Variants in RAPGEF4 observed in about 807,000 individuals in gnomAD.
RAPGEF4 encodes the protein RAP guanine-nucleotide-exchange factor (GEF) 4.
In RAPGEF4, 66 loss-of-function variants were observed where a neutral mutation model predicts 147.9. The observed-to-expected ratio is 0.45, with a 90% CI of 0.37 to 0.55. The LOEUF (loss-of-function observed/expected upper bound fraction) is 0.55, where lower values mean the gene tolerates loss of function less well. RAPGEF4 is among the 20% of genes least tolerant of loss of function. The pLI, the probability that RAPGEF4 is intolerant of heterozygous loss-of-function variation, is 0.00. For missense variants in RAPGEF4, 1,071 were observed against 1,257.3 expected, an observed-to-expected ratio of 0.85 and a Z score of 2.24; for synonymous variants, 419 against 442.7, an observed-to-expected ratio of 0.95 and a Z score of 0.67.
At chr2:172,926,457 A>G (rs926448212) in intron 6 of RAPGEF4, among the ~76,000 whole-genome samples, 1 of 152,198 alleles carries the variant, frequency 6.6e-6, no homozygotes, top group Admixed American at 6.5e-5. Flanking sequence ...GGAGCTGGAG[A>G]AGTAGACTCA....
intron 29 of RAPGEF4, among the ~76,000 whole-genome samples, chr2:173,047,280 C>G (rs1448811889): frequency 6.6e-6 from 1 of 152,136 alleles, no homozygotes; most frequent in Non-Finnish European, 1.5e-5. Flanking sequence ...ATTTTCTTTT[C>G]TCTTTTCTTT....
chr2:172,875,407 C>A (rs989962196), intron 4 of RAPGEF4, among the ~76,000 whole-genome samples: 29 of 152,184 alleles, frequency 1.9e-4, no homozygotes, highest in African/African-American at 7.0e-4. Flanking sequence ...TTTAATCCAT[C>A]TTGAATTAAT....
chr2:172,892,380 T>C (rs1037655093), intron 4 of RAPGEF4, among the ~76,000 whole-genome samples: 22 of 152,366 alleles, frequency 1.4e-4, no homozygotes, highest in African/African-American at 5.3e-4. Context: ...ATATGTGCCC[T>C]GGCCAACCTT....
At position 173,036,191 on chromosome 2, in the gene RAPGEF4, T is replaced by A; in HGVS notation, c.2767T>A (p.Phe923Ile). 6.2e-7 allele frequency: 1 copy of A among 1,611,624 alleles called. No homozygotes were observed. Among genetic ancestry groups the A allele is most frequent in the South Asian group, 1.1e-5 (1 of 90,998 alleles). The part of the protein sequence containing the change: ...VAKLEPPLIP[F>I]MPLLIKDMTF... ...TAAGCTGGAACCTCCTCTCATCCCC[T>A]TCATGCCTTTGCTCATTAAAGGTAA... The change falls in exon 28 of 31, where the codon TTC becomes ATC. Residue 923 changes from phenylalanine to isoleucine, a missense_variant. Coordinates refer to ENST00000397081, the MANE Select transcript of RAPGEF4 (RefSeq NM_007023.4).
intron 29 of RAPGEF4, among the ~76,000 whole-genome samples, chr2:173,041,205 A>G (rs1684716335): frequency 6.6e-6 from 1 of 152,166 alleles, no homozygotes; most frequent in Non-Finnish European, 1.5e-5. Flanking sequence ...TCTATCACCA[A>G]TAATATTATT....
Position 173,030,219 on chromosome 2 carries a change from A to C in RAPGEF4, c.2614A>C (p.Asn872His). The C allele has an allele frequency of 6.2e-7, 1 of 1,613,792 alleles. No homozygotes were observed. The highest frequency in any genetic ancestry group is 8.5e-7 in the Non-Finnish European group (1 of 1,179,672). ...SFFAIVMGLS[N>H]VAVSRLALTW... ...TTTTGCCATCGTCATGGGACTAAGT[A>C]ACGTTGCTGTGAGCCGCTTGGCACT... is the stretch of plus-strand genomic sequence containing the variant. Residue 872 changes from asparagine (N) to histidine (H), a missense_variant, in exon 26 of 31, where the codon AAC becomes CAC. Transcript: ENST00000397081.
chr2:172,967,288 A>G lies in RAPGEF4; in HGVS notation c.848A>G (p.Lys283Arg). ...HVDQEHHFQDKYLFYRFLDDE... is the reference protein window; with the variant it reads ...HVDQEHHFQDRYLFYRFLDDE... The stretch of plus-strand genomic sequence containing the variant: ...GACCAGGAGCACCATTTCCAAGACA[A>G]ATATTTATTCTATCGATTTCTGGAT... The change falls in exon 10 of 31, where the codon AAA becomes AGA. Residue 283 changes from lysine (K) to arginine (R), a missense_variant. By Grantham distance (26) the Lys-to-Arg change is conservative. Coordinates refer to ENST00000397081, the MANE Select transcript of RAPGEF4 (RefSeq NM_007023.4). 6.2e-7 allele frequency: 1 copy of G among 1,612,346 alleles called. No homozygotes were observed.
At position 172,960,824 on chromosome 2, in the gene RAPGEF4, G is replaced by A; in HGVS notation, c.591+11G>A. 6.3e-7 allele frequency: 1 copy of A among 1,597,240 alleles called. No individual in the cohort carries two copies. On this transcript the variant is annotated intron_variant, in intron 7 of 30. Transcript: ENST00000397081. Reference sequence around the variant, plus strand: ...AACACCATTACCAAGGTAATGGGATGTAGGTGGGTTGATGAGCCATTGAGC... The same window carrying A: ...AACACCATTACCAAGGTAATGGGATATAGGTGGGTTGATGAGCCATTGAGC...
In RAPGEF4 at chr2:173,026,650, T is replaced by C. The variant is rs779713347; in HGVS notation, c.2332T>C (p.Tyr778His). The C allele has an allele frequency of 2.1e-5, 34 of 1,614,076 alleles. No individual in the cohort carries two copies. The East Asian group carries it at 2.7e-4, about 13-fold the overall frequency. ...FELMSSKDLA[Y>H]QMTIYDWELF... ...ACTGATGAGCTCCAAAGATTTAGCA[T>C]ACCAGATGACAATTTATGATTGGGA... is the stretch of plus-strand genomic sequence containing the variant. Residue 778 changes from tyrosine (Y) to histidine (H), a missense_variant, in exon 24 of 31, where the codon TAC becomes CAC. Tyr to His is a moderately conservative substitution (Grantham distance 83). Transcript: ENST00000397081.
At chr2:172,961,300 C>A in intron 8 of RAPGEF4, 72 bp downstream of exon 8, 2 of 1,261,606 alleles carry the variant, frequency 1.6e-6, no homozygotes, top group Non-Finnish European at 2.3e-6. Context: ...AAAAATGCTT[C>A]TCCCTGTTTT....
intron 4 of RAPGEF4, among the ~76,000 whole-genome samples, chr2:172,900,763 A>G (rs1227935435): frequency 6.6e-6 from 1 of 152,172 alleles, no homozygotes; most frequent in African/African-American, 2.4e-5. Context: ...ACATTTTCTT[A>G]TATAACCATA....
intron 4 of RAPGEF4, among the ~76,000 whole-genome samples, chr2:172,914,222 A>G (rs1291464014): frequency 6.6e-6 from 1 of 151,600 alleles, no homozygotes; most frequent in African/African-American, 2.4e-5. Flanking sequence ...TTACTATTAC[A>G]TACAAGCACA....
chr2:172,819,461 C>CCTTTTT (rs1688831786), intron 4 of RAPGEF4, among the ~76,000 whole-genome samples: 1 of 87,008 alleles, frequency 1.1e-5, no homozygotes, highest in African/African-American at 4.6e-5. Context: ...ATTTTTAGTT[C>CCTTTTT]TTTTTTTTTT....
intron 30 of RAPGEF4, 143 bp from the exon 31 acceptor site, chr2:173,051,497 C>A: frequency 2.7e-6 from 2 of 729,280 alleles, no homozygotes; most frequent in Non-Finnish European, 4.0e-6. Context: ...CAAGTGGAAA[C>A]GTTTCAATGA....
intron 1 of RAPGEF4, among the ~76,000 whole-genome samples, chr2:172,769,569 G>A (rs1342781376): frequency 6.6e-6 from 1 of 152,054 alleles, no homozygotes; most frequent in African/African-American, 2.4e-5. Flanking sequence ...GATAGGGGGA[G>A]TTCAGGGAAA....
At position 172,861,533 on chromosome 2, in the gene RAPGEF4, G is replaced by A. The variant is rs1448499615; in HGVS notation, c.444+47108G>A. The stretch of plus-strand genomic sequence containing the variant: ...ACCAGGAAGATGGTGTCCCTGGCGA[G>A]CCTAGGTGTTTGACTGATGAAATGT... On this transcript the variant is annotated intron_variant, in intron 4 of 30. Transcript: ENST00000397081. Among the ~76,000 whole-genome samples the A allele has an allele frequency of 2.0e-5, 3 of 152,198 alleles. No individual in the cohort carries two copies. In the East Asian group the frequency reaches 5.8e-4, roughly 29 times the overall value.
At chr2:172,919,897 C>T (rs1454095686) in intron 5 of RAPGEF4, among the ~76,000 whole-genome samples, 1 of 152,068 alleles carries the variant, frequency 6.6e-6, no homozygotes, top group Non-Finnish European at 1.5e-5. Flanking sequence ...CCCCTGCTTG[C>T]CCGGGCCCAG....
At chr2:172,866,364 T>C (rs938446747) in intron 4 of RAPGEF4, among the ~76,000 whole-genome samples, 2 of 152,222 alleles carry the variant, frequency 1.3e-5, no homozygotes, top group African/African-American at 4.8e-5. Flanking sequence ...CCTTAATTTT[T>C]CTATAGCATT....
At chr2:172,858,635 C>G (rs1693702804) in intron 4 of RAPGEF4, among the ~76,000 whole-genome samples, 1 of 152,212 alleles carries the variant, frequency 6.6e-6, no homozygotes, top group African/African-American at 2.4e-5. Context: ...GGAAGCTATG[C>G]AGAGTTTTAA....
Sources: gnomAD v4.1 joint callset for allele counts (sites outside exome capture counted in the v4.1 genomes callset) on GRCh38, gnomAD v4.1.1 for gene constraint, MANE v1.5 for transcripts, NCBI Gene and HGNC (gene_info 2026-07-23, HGNC 2026-07-21) for gene names.